The following ATP8B4 variants were observed in gnomAD, a reference collection of about 807,000 sequenced individuals.
ATP8B4 encodes the protein probable phospholipid-transporting ATPase IM.
Under a neutral mutation model 145.6 loss-of-function variants are expected in ATP8B4, and 133 were observed. That is an observed-to-expected ratio of 0.91 (90% CI 0.79 to 1.05). ATP8B4 has a LOEUF of 1.05. Among genes scored for constraint, ATP8B4 ranks in the 50% least tolerant of loss-of-function variants. The probability of loss-of-function intolerance (pLI) is 0.00; values close to 1 mark genes in which losing one functional copy is unlikely to be tolerated. For missense variants in ATP8B4, 1,458 were observed against 1,425.2 expected, an observed-to-expected ratio of 1.02 and a Z score of -0.37; for synonymous variants, 507 against 492.9, an observed-to-expected ratio of 1.03 and a Z score of -0.38.
At chr15:50,072,980 CTATATATATA>C (rs374525582) in intron 3 of ATP8B4, among the ~76,000 whole-genome samples, 509 of 22,774 alleles carry the variant, frequency 0.022, 12 homozygotes, top group Non-Finnish European at 0.027. Flanking sequence ...CTCTCTCTCT[CTATATATATA>C]TATATATATA....
chr15:50,169,979 A>C (rs80097376), intron 1 of ATP8B4, among the ~76,000 whole-genome samples: 13,736 of 152,122 alleles, frequency 0.09, 831 homozygotes, highest in African/African-American at 0.16. Flanking sequence ...ACAACAAAGA[A>C]AAAGAAAAAG....
intron 8 of ATP8B4, among the ~76,000 whole-genome samples, chr15:49,997,640 T>A (rs1185042581): frequency 6.6e-6 from 1 of 152,016 alleles, no homozygotes; most frequent in African/African-American, 2.4e-5. Context: ...AAAGCAAACA[T>A]CACTGTGTGG....
chr15:49,983,161 T>C (rs930316177), intron 10 of ATP8B4, among the ~76,000 whole-genome samples: 1 of 152,318 alleles, frequency 6.6e-6, no homozygotes, highest in Middle Eastern at 3.4e-3. Flanking sequence ...GTTTTAATAA[T>C]ATAGACAAGA....
In ATP8B4 at chr15:49,979,706, T is replaced by A. The variant is rs776596678; in HGVS notation, c.945A>T (p.Gly315=). The change falls in exon 12 of 28, where the codon GGA becomes GGT. Residue 315 remains glycine (G), a synonymous_variant. Transcript: ENST00000284509. ...QFRTFLFWNE[G]EKSSVFSGFL... Reference sequence around the variant, plus strand: ...ATCCGGAGAACACAGAGCTCTTCTCTCCTTCATTCCAAAAGAGGAAAGTTC... The same window carrying A: ...ATCCGGAGAACACAGAGCTCTTCTCACCTTCATTCCAAAAGAGGAAAGTTC... The A allele has an allele frequency of 1.2e-6, 2 of 1,610,132 alleles. No individual in the cohort carries two copies. The highest frequency in any genetic ancestry group is 1.7e-6 in the Non-Finnish European group (2 of 1,176,880).
At chr15:49,954,623 G>T (rs73398844) in intron 14 of ATP8B4, among the ~76,000 whole-genome samples, 242 of 152,118 alleles carry the variant, frequency 1.6e-3, no homozygotes, top group African/African-American at 5.4e-3. Context: ...ATCATAACGA[G>T]ATACCATCTC....
intron 23 of ATP8B4, among the ~76,000 whole-genome samples, chr15:49,887,689 T>A: frequency 6.6e-6 from 1 of 151,850 alleles, no homozygotes; most frequent in Non-Finnish European, 1.5e-5. Flanking sequence ...GGAGGAGAGT[T>A]CATTTTTCCA....
At position 49,860,382 on chromosome 15, in the gene ATP8B4, C is replaced by A. The variant is rs2031413785; in HGVS notation, c.3391G>T (p.Ala1131Ser). 6.2e-7 allele frequency: 1 copy of A among 1,614,120 alleles called. No individual in the cohort carries two copies. The part of the protein sequence containing the change: ...RRSSSRRSGY[A>S]FAHQEGYGEL... Reference sequence around the variant, plus strand: ...CCATAGCCTTCTTGGTGAGCAAAAGCATATCCAGACCTTCTTGAGCTTGAC... The same window carrying A: ...CCATAGCCTTCTTGGTGAGCAAAAGAATATCCAGACCTTCTTGAGCTTGAC... The change falls in exon 28 of 28, where the codon GCT becomes TCT. Residue 1131 changes from alanine to serine, a missense_variant. By Grantham distance (99) the Ala-to-Ser change is moderately conservative. Coordinates refer to ENST00000284509, the MANE Select transcript of ATP8B4 (RefSeq NM_024837.4).
In ATP8B4 at chr15:50,126,073, G is replaced by A. The variant is rs1595626802; in HGVS notation, c.-42-19065C>T. Among the ~76,000 whole-genome samples, 7 of 152,178 alleles carry A rather than the reference G, an allele frequency of 4.6e-5. No homozygotes were observed. In the East Asian group the frequency reaches 1.4e-3, roughly 29 times the overall value. On this transcript the variant is annotated intron_variant, in intron 1 of 3. Transcript: ENST00000558829. ...ACAATGTGATAGTAACTCTAATTTA[G>A]GTGTCCCTTGTCCAAACAGGCTTCG...
rs866478174 is a variant in ATP8B4, at chr15:50,146,108, G to A, written c.-43+36153C>T. Among the ~76,000 whole-genome samples, 5 of 149,048 alleles carry A rather than the reference G, an allele frequency of 3.4e-5. No individual in the cohort carries two copies. In the South Asian group the frequency reaches 6.3e-4, roughly 19 times the overall value. On this transcript the variant is annotated intron_variant, in intron 1 of 3. Transcript: ENST00000558829. ...GGTCACTGCAACCTCTGCCCTCTGA[G>A]TTCAAGTGGTTCACCTACCTCAGCA... is the stretch of plus-strand genomic sequence containing the variant.
intron 2 of ATP8B4, among the ~76,000 whole-genome samples, chr15:50,087,352 A>ATTTATATATGATATACATCTATATC (rs796843582): frequency 4.6e-5 from 5 of 108,152 alleles, no homozygotes; most frequent in African/African-American, 2.0e-4. Flanking sequence ...ATAGATCTAT[A>ATTTATATATGATATACATCTATATC]TATTATATAT....
intron 2 of ATP8B4, among the ~76,000 whole-genome samples, chr15:50,079,974 C>A (rs2054437121): frequency 6.6e-6 from 1 of 152,174 alleles, no homozygotes; most frequent in South Asian, 2.1e-4. Context: ...CTAACAGAAA[C>A]ATGTGCCTGG....
At chr15:50,048,563 C>T (rs543614447) in intron 3 of ATP8B4, among the ~76,000 whole-genome samples, 30 of 152,008 alleles carry the variant, frequency 2.0e-4, no homozygotes, top group African/African-American at 7.2e-4. Flanking sequence ...CAAAAATTAG[C>T]CAGGCATGGT....
intron 1 of ATP8B4, among the ~76,000 whole-genome samples, chr15:50,158,095 C>T (rs62020279): frequency 0.56 from 85,077 of 151,454 alleles, 24,491 homozygotes; most frequent in East Asian, 0.91. Context: ...GGCGTGATCT[C>T]GGCTCGCTAC....
intron 20 of ATP8B4, among the ~76,000 whole-genome samples, chr15:49,915,102 T>C (rs1310904832): frequency 1.3e-5 from 2 of 152,102 alleles, no homozygotes; most frequent in African/African-American, 2.4e-5. Context: ...ATGTGGTGTA[T>C]ACACATACAA....
chr15:49,999,915 C>T (rs969342691), intron 8 of ATP8B4, among the ~76,000 whole-genome samples: 2 of 152,044 alleles, frequency 1.3e-5, no homozygotes, highest in African/African-American at 4.8e-5. Context: ...TTTGCCTTTT[C>T]AAAAGGCAAA....
At position 50,010,937 on chromosome 15, in the gene ATP8B4, T is replaced by C. The variant is rs200083264; in HGVS notation, c.363-20A>G. 254 of 1,476,286 alleles carry C rather than the reference T, an allele frequency of 1.7e-4. 1 individual carries two copies. In the African/African-American group the frequency reaches 3.6e-3, roughly 21 times the overall value. 91.4% of individuals were successfully genotyped at this position (1,476,286 alleles called of 1,614,324 possible). On this transcript the variant is annotated intron_variant, in intron 6 of 27. Coordinates refer to ENST00000284509, the MANE Select transcript of ATP8B4 (RefSeq NM_024837.4). ...TGCAGTCTAAAAACAAAAATAAAATTAATTTTCTTCAAGAATGAAGAATTG... is the reference window on the plus strand; with the variant it reads ...TGCAGTCTAAAAACAAAAATAAAATCAATTTTCTTCAAGAATGAAGAATTG...
upstream of ATP8B4, among the ~76,000 whole-genome samples, chr15:50,124,020 G>C (rs2057291384): frequency 6.6e-6 from 1 of 152,154 alleles, no homozygotes; most frequent in Non-Finnish European, 1.5e-5. Context: ...CAGGAGTACA[G>C]TACACTAATA....
intron 6 of ATP8B4, chr15:50,019,017 C>T (rs1326168790): frequency 1.0e-6 from 1 of 958,348 alleles, no homozygotes; most frequent in Middle Eastern, 2.5e-4. Flanking sequence ...CAATGTAAAT[C>T]CATGAATGAC....
intron 23 of ATP8B4, among the ~76,000 whole-genome samples, chr15:49,887,282 G>A (rs1473827841): frequency 6.6e-6 from 1 of 151,916 alleles, no homozygotes; most frequent in African/African-American, 2.4e-5. Flanking sequence ...AGGGGCACAT[G>A]AGCCCAGATC....
Sources: allele counts gnomAD v4.1 joint callset (sites outside exome capture counted in the v4.1 genomes callset), GRCh38; gene constraint gnomAD v4.1.1; transcripts MANE v1.5; gene names NCBI Gene and HGNC (gene_info 2026-07-23, HGNC 2026-07-21).